MYO1D: variants seen among roughly 807,000 people sequenced by gnomAD.
The protein encoded by MYO1D is myosin ID.
In MYO1D, 83 loss-of-function variants were observed where a neutral mutation model predicts 122.0. The observed-to-expected ratio is 0.68, with a 90% CI of 0.57 to 0.82. The LOEUF (loss-of-function observed/expected upper bound fraction) is 0.82, where lower values mean the gene tolerates loss of function less well. Among genes scored for constraint, MYO1D ranks in the 40% least tolerant of loss-of-function variants. The probability of loss-of-function intolerance (pLI) is 0.00; values close to 1 mark genes in which losing one functional copy is unlikely to be tolerated. For synonymous variants in MYO1D, 464 were observed against 446.9 expected (o/e 1.04, Z -0.48); for missense variants, 1,157 against 1,269.5 (o/e 0.91, Z 1.35).
intron 1 of MYO1D, among the ~76,000 whole-genome samples, chr17:32,864,007 CTTTTTTTTTTTTTTTTT>C (rs560953120): frequency 5.9e-4 from 29 of 48,978 alleles, no homozygotes; most frequent in East Asian, 2.7e-3. Flanking sequence ...ACATTTCTTC[CTTTTTTTTTTTTTTTTT>C]TTTTTTTTTT....
At chr17:32,757,606 C>G (rs958131485) in intron 10 of MYO1D, among the ~76,000 whole-genome samples, 1 of 152,030 alleles carries the variant, frequency 6.6e-6, no homozygotes, top group Non-Finnish European at 1.5e-5. Flanking sequence ...AGCAGGAGCT[C>G]TATATTAATA....
At chr17:32,816,287 A>G (rs1333259176) in intron 1 of MYO1D, among the ~76,000 whole-genome samples, 2 of 152,236 alleles carry the variant, frequency 1.3e-5, no homozygotes, top group Non-Finnish European at 2.9e-5. Flanking sequence ...AAGAGGTCAC[A>G]GTGCTAACAC....
intron 21 of MYO1D, among the ~76,000 whole-genome samples, chr17:32,532,283 A>AGC (rs1254544055): frequency 6.6e-6 from 1 of 152,226 alleles, no homozygotes; most frequent in African/African-American, 2.4e-5. Context: ...ACTTCTACAC[A>AGC]AGTTTATATC....
chr17:32,826,356 T>C (rs190129834), intron 1 of MYO1D, among the ~76,000 whole-genome samples: 2 of 151,234 alleles, frequency 1.3e-5, no homozygotes, highest in East Asian at 3.9e-4. Flanking sequence ...AAAAGTTTGT[T>C]GATATGAATG....
intron 1 of MYO1D, among the ~76,000 whole-genome samples, chr17:32,801,871 T>C (rs112884719): frequency 3.6e-4 from 55 of 151,616 alleles, no homozygotes; most frequent in African/African-American, 1.3e-3. Context: ...GAACCTGGAC[T>C]ATCTTTATGA....
intron 10 of MYO1D, among the ~76,000 whole-genome samples, chr17:32,757,583 A>T (rs2089960786): frequency 6.6e-6 from 1 of 152,174 alleles, no homozygotes; most frequent in African/African-American, 2.4e-5. Context: ...AAAAATCCTA[A>T]AAATACTCAA....
chr17:32,822,316 T>G (rs917018919), intron 1 of MYO1D, among the ~76,000 whole-genome samples: 1 of 146,626 alleles, frequency 6.8e-6, no homozygotes, highest in African/African-American at 2.5e-5. Context: ...TAGGTGGGAA[T>G]TGAACAATGA....
chr17:32,783,639 T>C (rs2090262796), intron 1 of MYO1D, among the ~76,000 whole-genome samples: 1 of 152,246 alleles, frequency 6.6e-6, no homozygotes, highest in South Asian at 2.1e-4. Context: ...CTCATTTTAC[T>C]TGAAATTCTA....
At chr17:32,866,305 T>C (rs1484614873) in intron 1 of MYO1D, among the ~76,000 whole-genome samples, 1 of 152,198 alleles carries the variant, frequency 6.6e-6, no homozygotes, top group Non-Finnish European at 1.5e-5. Flanking sequence ...ATTCTCTCTC[T>C]CTTCTAGACC....
intron 21 of MYO1D, among the ~76,000 whole-genome samples, chr17:32,568,902 C>G (rs1386321557): frequency 6.6e-6 from 1 of 152,220 alleles, no homozygotes; most frequent in East Asian, 1.9e-4. Flanking sequence ...TGCATCTTGA[C>G]TGGACACAGT....
intron 16 of MYO1D, among the ~76,000 whole-genome samples, chr17:32,705,610 A>G (rs919522262): frequency 6.6e-6 from 1 of 152,182 alleles, no homozygotes; most frequent in African/African-American, 2.4e-5. Context: ...TTAGATGATG[A>G]TAGTGGAAGA....
chr17:32,496,965 T>G (rs866906791), intron 21 of MYO1D: 1 of 152,214 alleles, frequency 6.6e-6, no homozygotes, highest in South Asian at 2.1e-4. Flanking sequence ...CCCTCTCGTG[T>G]TCAGACAATC....
intron 21 of MYO1D, among the ~76,000 whole-genome samples, chr17:32,548,650 C>G (rs1019666191): frequency 2.0e-5 from 3 of 151,836 alleles, no homozygotes; most frequent in African/African-American, 7.3e-5. Context: ...GCATGGGACA[C>G]CAATGAGGGG....
At chr17:32,762,746 TG>T in intron 8 of MYO1D, among the ~76,000 whole-genome samples, 1 of 151,316 alleles carries the variant, frequency 6.6e-6, no homozygotes, top group Admixed American at 6.6e-5. Flanking sequence ...TGGTGGCGGG[TG>T]CCTGTAATCC....
chr17:32,706,719 T>C (rs1219823835), intron 16 of MYO1D, among the ~76,000 whole-genome samples: 4 of 152,032 alleles, frequency 2.6e-5, no homozygotes, highest in African/African-American at 4.8e-5. Context: ...TTTGTTAAGA[T>C]GGAGTCTCAC....
chr17:32,733,479 C>A (rs187532372), intron 14 of MYO1D, among the ~76,000 whole-genome samples: 1 of 152,186 alleles, frequency 6.6e-6, no homozygotes, highest in Non-Finnish European at 1.5e-5. Context: ...TTCACACCCC[C>A]TCCACCCATG....
At chr17:32,796,970 CTT>C (rs1391254283) in intron 1 of MYO1D, among the ~76,000 whole-genome samples, 1 of 151,580 alleles carries the variant, frequency 6.6e-6, no homozygotes, top group African/African-American at 2.4e-5. Flanking sequence ...CACTGCATCA[CTT>C]TTGTTGTTTT....
chr17:32,814,509 T>C (rs1047213896), intron 1 of MYO1D, among the ~76,000 whole-genome samples: 3 of 152,294 alleles, frequency 2.0e-5, no homozygotes, highest in East Asian at 3.9e-4. Context: ...AGAAGGATAA[T>C]GAAGGGCCTC....
Position 32,538,750 on chromosome 17 carries a change from GGAA to G in MYO1D, c.2865-43838_2865-43836del, listed in dbSNP as rs2150877054. ...AGAAAATGTGATATATATACACCAT[GGAA>G]TACTATGCAGCCGTAAAAACGAATG... is the stretch of plus-strand genomic sequence containing the variant. On this transcript the variant is annotated intron_variant, in intron 21 of 21. Coordinates refer to ENST00000318217, the MANE Select transcript of MYO1D (RefSeq NM_015194.3). Among the ~76,000 whole-genome samples the G allele has an allele frequency of 2.0e-5, 3 of 152,262 alleles. No individual in the cohort carries two copies. In the East Asian group the frequency reaches 5.8e-4, roughly 29 times the overall value.
Sources: gnomAD v4.1 joint callset for allele counts (sites outside exome capture counted in the v4.1 genomes callset) on GRCh38, gnomAD v4.1.1 for gene constraint, MANE v1.5 for transcripts, NCBI Gene and HGNC (gene_info 2026-07-23, HGNC 2026-07-21) for gene names.